Variants in RIMS2 observed in about 807,000 individuals in gnomAD.
RIMS2 encodes regulating synaptic membrane exocytosis protein 2.
In RIMS2, 59 loss-of-function variants were observed where a neutral mutation model predicts 174.4. The observed-to-expected ratio is 0.34, with a 90% CI of 0.27 to 0.42. The LOEUF (loss-of-function observed/expected upper bound fraction) is 0.42, where lower values mean the gene tolerates loss of function less well. Among genes scored for constraint, RIMS2 ranks in the 10% least tolerant of loss-of-function variants. The pLI is 1.00. For missense variants in RIMS2, 1,620 were observed against 1,666.3 expected (o/e 0.97, Z 0.48); for synonymous variants, 606 against 572.5 (o/e 1.06, Z -0.84).
intron 19 of RIMS2, among the ~76,000 whole-genome samples, chr8:104,179,664 C>T (rs2098928663): frequency 6.6e-6 from 1 of 151,530 alleles, no homozygotes; most frequent in South Asian, 2.1e-4. Context: ...AAATTATTTT[C>T]AAATTGTAAA....
intron 1 of RIMS2, among the ~76,000 whole-genome samples, chr8:103,539,844 G>A (rs1464305828): frequency 6.6e-6 from 1 of 152,238 alleles, no homozygotes; most frequent in Non-Finnish European, 1.5e-5. Flanking sequence ...GCTGCACTGT[G>A]CTTGCTCACA....
intron 19 of RIMS2, among the ~76,000 whole-genome samples, chr8:104,204,129 T>C (rs915691629): frequency 1.3e-5 from 2 of 152,200 alleles, no homozygotes; most frequent in Admixed American, 1.3e-4. Context: ...TTGCCCTGAG[T>C]ACACTTGGCC....
At chr8:103,748,986 GAC>G (rs1223733018) in intron 2 of RIMS2, among the ~76,000 whole-genome samples, 2 of 151,904 alleles carry the variant, frequency 1.3e-5, no homozygotes, top group African/African-American at 4.8e-5. Flanking sequence ...TTTTAGTAGA[GAC>G]AGGGTTTCTC....
chr8:103,799,368 A>C (rs1374612046), intron 3 of RIMS2, among the ~76,000 whole-genome samples: 1 of 152,198 alleles, frequency 6.6e-6, no homozygotes, highest in African/African-American at 2.4e-5. Context: ...TTGACATCCC[A>C]TTAGTGATGG....
At chr8:103,910,476 G>A (rs1469717808) in intron 5 of RIMS2, 4 of 1,597,520 alleles carry the variant, frequency 2.5e-6, no homozygotes, top group Middle Eastern at 1.7e-4. Flanking sequence ...GGACTCTGGG[G>A]TAGATACGTG....
chr8:103,703,044 C>T (rs1173613070), intron 2 of RIMS2, among the ~76,000 whole-genome samples: 1 of 149,522 alleles, frequency 6.7e-6, no homozygotes, highest in African/African-American at 2.5e-5. Flanking sequence ...TGCATTGGAG[C>T]CGTCATGGCT....
At chr8:104,023,311 A>T (rs1168000559) in intron 19 of RIMS2, among the ~76,000 whole-genome samples, 1 of 151,642 alleles carries the variant, frequency 6.6e-6, no homozygotes, top group Admixed American at 6.6e-5. Context: ...TAGTAAGATG[A>T]TGTCAATTAC....
intron 19 of RIMS2, among the ~76,000 whole-genome samples, chr8:104,100,462 T>G (rs1243614706): frequency 1.3e-5 from 2 of 152,092 alleles, no homozygotes; most frequent in Non-Finnish European, 2.9e-5. Context: ...GAATCTCCTC[T>G]GCTATGTTGG....
chr8:104,172,829 A>C (rs2098840108), intron 19 of RIMS2, among the ~76,000 whole-genome samples: 3 of 152,226 alleles, frequency 2.0e-5, no homozygotes, highest in Admixed American at 2.0e-4. Context: ...TTAAAATCTC[A>C]AAATATAAGA....
chr8:103,947,868 C>T (rs545229533), intron 14 of RIMS2, among the ~76,000 whole-genome samples: 34 of 152,174 alleles, frequency 2.2e-4, no homozygotes, highest in African/African-American at 5.8e-4. Flanking sequence ...TGTATGGGAC[C>T]GCTATCTTAT....
intron 19 of RIMS2, among the ~76,000 whole-genome samples, chr8:104,022,833 C>T (rs945208646): frequency 1.3e-5 from 2 of 152,126 alleles, no homozygotes; most frequent in Non-Finnish European, 2.9e-5. Flanking sequence ...AAATCCTCTC[C>T]ACTGCAAAAT....
chr8:103,786,606 T>A (rs1387556076), intron 3 of RIMS2, among the ~76,000 whole-genome samples: 1 of 152,214 alleles, frequency 6.6e-6, no homozygotes, highest in Non-Finnish European at 1.5e-5. Context: ...AATCCTGAGT[T>A]CTAGTTTGAT....
chr8:104,089,056 A>G (rs1180720878), intron 19 of RIMS2, among the ~76,000 whole-genome samples: 1 of 151,952 alleles, frequency 6.6e-6, no homozygotes, highest in Non-Finnish European at 1.5e-5. Context: ...TGTTGTCCGG[A>G]AAAACTTCTT....
At chr8:103,729,301 G>C (rs897477226) in intron 2 of RIMS2, among the ~76,000 whole-genome samples, 1 of 151,900 alleles carries the variant, frequency 6.6e-6, no homozygotes, top group African/African-American at 2.4e-5. Flanking sequence ...TTTGAATCTT[G>C]GTAGGTTGTA....
chr8:104,114,670 T>C (rs1038773128), intron 19 of RIMS2, among the ~76,000 whole-genome samples: 1 of 151,946 alleles, frequency 6.6e-6, no homozygotes, highest in Non-Finnish European at 1.5e-5. Flanking sequence ...AGGAACTACA[T>C]CACTGACTTT....
In RIMS2 at chr8:104,106,818, C is replaced by T. The variant is rs576944987; in HGVS notation, c.3334+92203C>T. On this transcript the variant is annotated intron_variant, in intron 19 of 23. Coordinates refer to ENST00000504942, the Ensembl canonical transcript of RIMS2. ...GTGATTCCCTCATAATCATGTTTAT[C>T]CCTCATGATAAGCAAATTTAACATA... Among the ~76,000 whole-genome samples, 4 of 152,200 alleles carry T rather than the reference C, an allele frequency of 2.6e-5. No individual in the cohort carries two copies. The East Asian group carries it at 5.8e-4, about 22-fold the overall frequency.
intron 19 of RIMS2, chr8:104,094,423 CTT>C: frequency 1.7e-6 from 1 of 587,436 alleles, no homozygotes; most frequent in Non-Finnish European, 3.0e-6. Context: ...TTTTTCTTGA[CTT>C]TCTTTTTTTG....
At chr8:103,695,232 C>T (rs2097085547) in intron 1 of RIMS2, among the ~76,000 whole-genome samples, 1 of 152,114 alleles carries the variant, frequency 6.6e-6, no homozygotes, top group Non-Finnish European at 1.5e-5. Flanking sequence ...ACCTGGTTTC[C>T]TTAGGTCTCA....
intron 22 of RIMS2, 77 bp downstream of exon 28, chr8:104,249,665 G>T: frequency 1.2e-6 from 1 of 819,174 alleles, no homozygotes; most frequent in Non-Finnish European, 2.0e-6. Flanking sequence ...GATTGGTTTA[G>T]ACCTTTGATT....
Sources: allele counts gnomAD v4.1 joint callset (sites outside exome capture counted in the v4.1 genomes callset), GRCh38; gene constraint gnomAD v4.1.1; transcripts MANE v1.5; gene names NCBI Gene and HGNC (gene_info 2026-07-23, HGNC 2026-07-21).